Variants in PTPRT observed in about 807,000 individuals in gnomAD.
The protein encoded by PTPRT is protein tyrosine phosphatase receptor type T.
In PTPRT, 56 loss-of-function variants were observed where a neutral mutation model predicts 176.8. The observed-to-expected ratio is 0.32, with a 90% CI of 0.26 to 0.40. The LOEUF (loss-of-function observed/expected upper bound fraction) is 0.40, where lower values mean the gene tolerates loss of function less well. PTPRT is among the 10% of genes least tolerant of loss of function. The pLI, the probability that PTPRT is intolerant of heterozygous loss-of-function variation, is 1.00. For missense variants in PTPRT, 1,540 were observed against 1,908.2 expected (o/e 0.81, Z 3.60); for synonymous variants, 783 against 739.0 (o/e 1.06, Z -0.96).
chr20:42,360,724 A>G (rs930649743), intron 9 of PTPRT, among the ~76,000 whole-genome samples: 1 of 152,142 alleles, frequency 6.6e-6, no homozygotes, highest in East Asian at 1.9e-4. Context: ...TGCATGACCA[A>G]TTCCTCTCCA....
intron 7 of PTPRT, among the ~76,000 whole-genome samples, chr20:42,627,847 G>A (rs751624775): frequency 3.9e-5 from 6 of 152,074 alleles, no homozygotes; most frequent in Non-Finnish European, 7.4e-5. Context: ...ATGCTCCAGT[G>A]TGAGCCGCTG....
intron 9 of PTPRT, among the ~76,000 whole-genome samples, chr20:42,353,032 T>C (rs553063599): frequency 6.6e-6 from 1 of 152,342 alleles, no homozygotes; most frequent in South Asian, 2.1e-4. Context: ...AACATAAAAA[T>C]TGAATGGAAT....
intron 6 of PTPRT, among the ~76,000 whole-genome samples, chr20:42,735,100 T>A (rs1457528221): frequency 6.6e-6 from 1 of 152,244 alleles, no homozygotes; most frequent in East Asian, 1.9e-4. Context: ...TATCAACATG[T>A]GTATTACTAT....
intron 16 of PTPRT, among the ~76,000 whole-genome samples, chr20:42,198,301 A>T (rs1991312268): frequency 6.6e-6 from 1 of 152,218 alleles, no homozygotes; most frequent in Admixed American, 6.5e-5. Flanking sequence ...ACATTATAGA[A>T]GGGGATAAAT....
intron 13 of PTPRT, among the ~76,000 whole-genome samples, chr20:42,279,863 C>T (rs1292756905): frequency 6.6e-6 from 1 of 152,118 alleles, no homozygotes; most frequent in African/African-American, 2.4e-5. Context: ...GGTCAGGGAC[C>T]AGACAGCGGC....
rs372326661 is a variant in PTPRT, at chr20:42,736,723, T to C, written c.859+19739A>G. On this transcript the variant is annotated intron_variant, in intron 6 of 30. Coordinates refer to ENST00000373187, the MANE Select transcript of PTPRT (RefSeq NM_007050.6). Reference sequence around the variant, plus strand: ...CTGGAGAGAGACACGGGGTACAATTTATGCCCTTCTGTGGGCAATAGGGCC... The same window carrying C: ...CTGGAGAGAGACACGGGGTACAATTCATGCCCTTCTGTGGGCAATAGGGCC... Among the ~76,000 whole-genome samples the C allele has an allele frequency of 4.6e-5, 7 of 152,296 alleles. No homozygotes were observed. The South Asian group carries it at 1.5e-3, about 32-fold the overall frequency.
intron 1 of PTPRT, among the ~76,000 whole-genome samples, chr20:42,987,544 G>C (rs754078379): frequency 6.6e-6 from 1 of 151,954 alleles, no homozygotes; most frequent in African/African-American, 2.4e-5. Flanking sequence ...TGGACACTTG[G>C]TCATGCTGTC....
chr20:42,519,333 T>C (rs1367876611), intron 7 of PTPRT, among the ~76,000 whole-genome samples: 1 of 152,160 alleles, frequency 6.6e-6, no homozygotes, highest in South Asian at 2.1e-4. Flanking sequence ...TAATCAATGG[T>C]GTGCAGGTAC....
At position 43,118,900 on chromosome 20, in the gene PTPRT, C is replaced by T. The variant is rs371544930; in HGVS notation, c.88+70746G>A. On this transcript the variant is annotated intron_variant, in intron 1 of 30. Coordinates refer to ENST00000373187, the MANE Select transcript of PTPRT (RefSeq NM_007050.6). ...TCATAATAGATGTTATCATTACGCA[C>T]CCTGAGCCTAAAATGGTTACAAAGA... Among the ~76,000 whole-genome samples the T allele has an allele frequency of 3.3e-5, 5 of 152,140 alleles. No individual in the cohort carries two copies. In the East Asian group the frequency reaches 9.6e-4, roughly 29 times the overall value.
intron 6 of PTPRT, among the ~76,000 whole-genome samples, chr20:42,730,578 G>A (rs904159930): frequency 4.6e-5 from 7 of 152,208 alleles, no homozygotes; most frequent in African/African-American, 1.4e-4. Context: ...AATGTCTGAG[G>A]AAGATCAGAA....
At chr20:42,270,367 C>A in intron 13 of PTPRT, 19 of 1,382,038 alleles carry the variant, frequency 1.4e-5, no homozygotes, top group Non-Finnish European at 1.7e-5. Flanking sequence ...CAACTCTCCC[C>A]TCCCACCCGC....
intron 7 of PTPRT, among the ~76,000 whole-genome samples, chr20:42,521,758 T>G (rs1178509314): frequency 6.6e-6 from 1 of 152,180 alleles, no homozygotes; most frequent in Admixed American, 6.5e-5. Flanking sequence ...AAGTGCTTGG[T>G]TTACATTTTT....
chr20:42,671,306 C>T (rs2075408969), intron 7 of PTPRT, among the ~76,000 whole-genome samples: 1 of 152,174 alleles, frequency 6.6e-6, no homozygotes, highest in Non-Finnish European at 1.5e-5. Context: ...TAATAGTCAC[C>T]ACCCGAGATC....
intron 1 of PTPRT, among the ~76,000 whole-genome samples, chr20:42,974,900 T>C (rs971045302): frequency 1.3e-5 from 2 of 152,258 alleles, no homozygotes; most frequent in African/African-American, 4.8e-5. Context: ...ACTTCACTTT[T>C]TGAGTATGAT....
chr20:42,568,426 T>C (rs1032829625), intron 7 of PTPRT, among the ~76,000 whole-genome samples: 1 of 152,160 alleles, frequency 6.6e-6, no homozygotes, highest in East Asian at 1.9e-4. Context: ...AGAGAACAAG[T>C]GATGTGTTTA....
At position 42,079,592 on chromosome 20, in the gene PTPRT, C is replaced by G; in HGVS notation, c.*1287G>C. 1 of 226,166 alleles carries G rather than the reference C, an allele frequency of 4.4e-6. No homozygotes were observed. Among genetic ancestry groups the G allele is most frequent in the East Asian group, 6.4e-5 (1 of 15,724 alleles). The allele number at this position is 226,166 out of a possible 1,614,324, so 14.0% of individuals were successfully genotyped here. ...GAGACTTAGCAAATGTTGGTTCCCTCTCATTGACTCACTCACACTTTGGAC... is the reference window on the plus strand; with the variant it reads ...GAGACTTAGCAAATGTTGGTTCCCTGTCATTGACTCACTCACACTTTGGAC... On this transcript the variant is annotated 3_prime_UTR_variant, in exon 31 of 31. Coordinates refer to ENST00000373187, the MANE Select transcript of PTPRT (RefSeq NM_007050.6).
intron 1 of PTPRT, among the ~76,000 whole-genome samples, chr20:43,017,221 T>C (rs1277320733): frequency 2.0e-5 from 3 of 152,178 alleles, no homozygotes; most frequent in Non-Finnish European, 4.4e-5. Flanking sequence ...CTGTAGTTCA[T>C]CCATTTAATT....
chr20:42,646,083 C>A (rs2074891091), intron 7 of PTPRT, among the ~76,000 whole-genome samples: 1 of 152,088 alleles, frequency 6.6e-6, no homozygotes, highest in African/African-American at 2.4e-5. Flanking sequence ...AGCCACTATA[C>A]CCATCCCCAT....
At chr20:42,872,390 C>T (rs900787394) in intron 2 of PTPRT, among the ~76,000 whole-genome samples, 2 of 152,180 alleles carry the variant, frequency 1.3e-5, no homozygotes, top group Non-Finnish European at 2.9e-5. Context: ...TGCAAGGATG[C>T]GTGAGAACAG....
Sources: gnomAD v4.1 joint callset for allele counts (sites outside exome capture counted in the v4.1 genomes callset) on GRCh38, gnomAD v4.1.1 for gene constraint, MANE v1.5 for transcripts, NCBI Gene and HGNC (gene_info 2026-07-23, HGNC 2026-07-21) for gene names.